TUBG2: variants seen among roughly 807,000 people sequenced by gnomAD.
TUBG2 encodes the protein tubulin gamma-2 chain.
In TUBG2, 39 loss-of-function variants were observed where a neutral mutation model predicts 55.1. That is an observed-to-expected ratio of 0.71 (90% CI 0.55 to 0.93). The LOEUF (loss-of-function observed/expected upper bound fraction) is 0.93. Ranked by LOEUF, TUBG2 falls within the 40% of genes least tolerant of loss-of-function variation. The pLI is 0.00. For missense variants in TUBG2, 358 were observed against 599.1 expected (o/e 0.60, Z 4.20); for synonymous variants, 223 against 241.0 (o/e 0.93, Z 0.69).
In TUBG2 at chr17:42,665,716, C is replaced by T. The variant is rs772749504; in HGVS notation, c.732C>T (p.Arg244=). 8.1e-6 allele frequency: 13 copies of T among 1,614,220 alleles called. No homozygotes were observed. Among genetic ancestry groups the T allele is most frequent in the Non-Finnish European group, 1.0e-5 (12 of 1,180,040 alleles). The change falls in exon 8 of 11, where the codon CGC becomes CGT. Residue 244 remains arginine, a synonymous_variant. Transcript: ENST00000251412. The part of the protein sequence containing the change: ...TIMSASTTTL[R]YPGYMNNDLI... ...TGTCGGCCAGCACCACCACCCTGCG[C>T]TACCCCGGCTACATGAACAATGACC...
Position 42,660,415 on chromosome 17 carries a change from G to A in TUBG2, c.330+99G>A, listed in dbSNP as rs2143513623. 17 of 1,568,468 alleles carry A rather than the reference G, an allele frequency of 1.1e-5. No individual in the cohort carries two copies. In the South Asian group the frequency reaches 2.0e-4, roughly 18 times the overall value. On this transcript the variant is annotated intron_variant, in intron 3 of 10. Transcript: ENST00000251412. ...TTGACCTGACTGACAGAAAATAAGA[G>A]ACAAAAGGATGTCCCGAACAAGAGG...
intron 2 of TUBG2, 36 bp from the exon 3 acceptor site, chr17:42,660,113 A>G (rs1298644584): frequency 1.4e-6 from 2 of 1,470,710 alleles, no homozygotes; most frequent in Non-Finnish European, 1.9e-6. Context: ...GGGCCGCCCT[A>G]GCTGATTGGG....
intron 4 of TUBG2, 161 bp downstream of exon 4, chr17:42,660,868 T>C: frequency 1.6e-6 from 1 of 625,750 alleles, no homozygotes. Flanking sequence ...AGATATAATC[T>C]TTGTTCTCAA....
At chr17:42,663,319 T>C in intron 5 of TUBG2, 58 bp from the exon 6 acceptor site, 1 of 1,607,544 alleles carries the variant, frequency 6.2e-7, no homozygotes. Context: ...ATGGCACATA[T>C]GGGCAGTGAT....
chr17:42,663,464 C>T lies in TUBG2; in HGVS notation c.567C>T (p.Leu189=). Residue 189 remains leucine, a synonymous_variant, in exon 6 of 11, where the codon CTC becomes CTT. Coordinates refer to ENST00000251412, the MANE Select transcript of TUBG2 (RefSeq NM_016437.3). ...SDVVVQPYNS[L]LTLKRLTQNA... ...TAGTGGTTCAGCCCTACAATTCACT[C>T]CTGACACTCAAGAGGCTGACGCAGA... The T allele has an allele frequency of 6.2e-7, 1 of 1,614,102 alleles. No homozygotes were observed. The highest frequency in any genetic ancestry group is 8.5e-7 in the Non-Finnish European group (1 of 1,180,008).
Position 42,663,023 on chromosome 17 carries a change from C to A in TUBG2, c.450C>A (p.Gly150=). The change falls in exon 5 of 11, where the codon GGC becomes GGA. Residue 150 remains glycine, a synonymous_variant. Coordinates refer to ENST00000251412, the MANE Select transcript of TUBG2 (RefSeq NM_016437.3). Reference sequence around the variant, plus strand: ...CTGGGGGTACGGGTTCTGGCCTGGGCTCCTACCTCCTGGAGCGACTGAATG... The same window carrying A: ...CTGGGGGTACGGGTTCTGGCCTGGGATCCTACCTCCTGGAGCGACTGAATG... ...SIAGGTGSGL[G]SYLLERLNDR... 1 of 1,614,124 alleles carries A rather than the reference C, an allele frequency of 6.2e-7. No individual in the cohort carries two copies. Among genetic ancestry groups the A allele is most frequent in the Non-Finnish European group, 8.5e-7 (1 of 1,180,016 alleles).
intron 4 of TUBG2, 36 bp from the exon 5 acceptor site, chr17:42,662,937 G>C: frequency 6.2e-7 from 1 of 1,601,216 alleles, no homozygotes. Context: ...AGTGTGGCAG[G>C]AGAAACTGAG....
chr17:42,660,843 A>G, intron 4 of TUBG2, 136 bp downstream of exon 4: 1 of 702,746 alleles, frequency 1.4e-6, no homozygotes, highest in East Asian at 2.7e-5. Flanking sequence ...CAGATGTGGG[A>G]TATTGAGGTG....
chr17:42,659,910 C>G lies in TUBG2; in HGVS notation c.126C>G (p.Thr42=). 1.2e-6 allele frequency: 2 copies of G among 1,612,582 alleles called. No homozygotes were observed. Among genetic ancestry groups the G allele is most frequent in the Non-Finnish European group, 1.7e-6 (2 of 1,179,116 alleles). ...SPEGIVEEFA[T]EGTDRKDVFF... ...AGGGCATCGTGGAGGAATTCGCCAC[C>G]GAGGGCACTGACCGCAAGGACGTCT... The change falls in exon 2 of 11, where the codon ACC becomes ACG. Residue 42 remains threonine, a synonymous_variant. Transcript: ENST00000251412.
Position 42,665,553 on chromosome 17 carries a change from C to G in TUBG2, c.684C>G (p.Ile228Met). ...TCCAGAACCCGTCCTTCTCCCAGAT[C>G]AACCAGCTGGTGGGCCCCCACTCCC... ...LHIQNPSFSQ[I>M]NQLVSTIMSA... Residue 228 changes from isoleucine (I) to methionine (M), a missense_variant, in exon 7 of 11, where the codon ATC becomes ATG. Transcript: ENST00000251412. 1 of 1,614,166 alleles carries G rather than the reference C, an allele frequency of 6.2e-7. No individual in the cohort carries two copies. The highest frequency in any genetic ancestry group is 8.5e-7 in the Non-Finnish European group (1 of 1,180,016).
chr17:42,665,468 C>A lies in TUBG2; in HGVS notation c.607-8C>A. 1.2e-6 allele frequency: 2 copies of A among 1,614,074 alleles called. No homozygotes were observed. Among genetic ancestry groups the A allele is most frequent in the Middle Eastern group, 1.7e-4 (1 of 6,054 alleles). ...TCAAGATGCTGTGATGCTCTTCTGT[C>A]CCCCCAGGTGGTGCTGGACAACACA... On this transcript the variant is annotated splice_region_variant and splice_polypyrimidine_tract_variant and intron_variant, in intron 6 of 10. Transcript: ENST00000251412.
intron 4 of TUBG2, 113 bp downstream of exon 4, chr17:42,660,820 G>A (rs2052366317): frequency 5.0e-6 from 4 of 807,012 alleles, no homozygotes; most frequent in African/African-American, 3.4e-5. Context: ...TTCAAAACCC[G>A]TTTATGGAGC....
chr17:42,666,659 C>T lies in TUBG2; in HGVS notation c.1215C>T (p.Leu405=), dbSNP rs759821711. 47 of 1,614,078 alleles carry T rather than the reference C, an allele frequency of 2.9e-5. No individual in the cohort carries two copies. The highest frequency in any genetic ancestry group is 1.8e-4 in the Admixed American group (11 of 60,008). Residue 405 remains leucine, a synonymous_variant, in exon 11 of 11, where the codon CTC becomes CTT. Coordinates refer to ENST00000251412, the MANE Select transcript of TUBG2 (RefSeq NM_016437.3). ...FDKLRKRDAF[L]EQFRKEDMFK... ...AGCTGCGGAAGCGGGATGCCTTCCT[C>T]GAGCAGTTCCGTAAGGAGGACATGT...
At chr17:42,664,784 G>A (rs1321286306) in intron 6 of TUBG2, among the ~76,000 whole-genome samples, 5 of 150,950 alleles carry the variant, frequency 3.3e-5, no homozygotes, top group African/African-American at 4.9e-5. Flanking sequence ...ACTGCCCTGC[G>A]TAGTCCGAGA....
intron 6 of TUBG2, 97 bp from the exon 7 acceptor site, chr17:42,665,376 CCTA>C (rs2052502774): frequency 5.8e-5 from 91 of 1,580,032 alleles, no homozygotes; most frequent in Non-Finnish European, 7.1e-5. Flanking sequence ...AACTAACAAA[CCTA>C]CTTCCTGGCT....
chr17:42,663,277 A>C, intron 5 of TUBG2, 100 bp from the exon 6 acceptor site: 1 of 1,538,524 alleles, frequency 6.5e-7, no homozygotes, highest in Middle Eastern at 1.7e-4. Context: ...GGCTCTGAAG[A>C]CTCAGTTCTG....
intron 4 of TUBG2, chr17:42,661,236 C>G (rs2052375968): frequency 6.5e-6 from 1 of 153,838 alleles, no homozygotes; most frequent in African/African-American, 2.4e-5. Context: ...AGGTGAAAGA[C>G]AGTCTTTTGT....
chr17:42,662,923 T>G, intron 4 of TUBG2, 50 bp from the exon 5 acceptor site: 27 of 1,576,856 alleles, frequency 1.7e-5, no homozygotes, highest in African/African-American at 2.7e-5. Context: ...AATTGTGTTG[T>G]GAGAGTGTGG....
chr17:42,666,305 C>T lies in TUBG2; in HGVS notation c.997-18C>T, dbSNP rs1297165870. Reference sequence around the variant, plus strand: ...GGTAGAGGAGAGGCCACCTCCACTGCTCCTATGCCCACCCCAGGTCCACAA... The same window carrying T: ...GGTAGAGGAGAGGCCACCTCCACTGTTCCTATGCCCACCCCAGGTCCACAA... On this transcript the variant is annotated intron_variant, in intron 9 of 10. Coordinates refer to ENST00000251412, the MANE Select transcript of TUBG2 (RefSeq NM_016437.3). 6.2e-7 allele frequency: 1 copy of T among 1,614,188 alleles called. No homozygotes were observed. The highest frequency in any genetic ancestry group is 1.3e-5 in the African/African-American group (1 of 75,054).
Sources: gnomAD v4.1 joint callset for allele counts (sites outside exome capture counted in the v4.1 genomes callset) on GRCh38, gnomAD v4.1.1 for gene constraint, MANE v1.5 for transcripts, NCBI Gene and HGNC (gene_info 2026-07-23, HGNC 2026-07-21) for gene names.